The following KLHL36 variants were observed in gnomAD, a reference collection of about 807,000 sequenced individuals.
KLHL36 encodes the protein kelch like family member 36, also known as kelch-like protein 36.
KLHL36 carries 35 observed loss-of-function variants against 53.3 expected under a neutral mutation model. The ratio of observed to expected loss-of-function variants is 0.66; its 90% CI spans 0.50 to 0.87. KLHL36 has a LOEUF of 0.87. Ranked by LOEUF, KLHL36 falls within the 40% of genes least tolerant of loss-of-function variation. The pLI is 0.00. For missense variants in KLHL36, 864 were observed against 897.6 expected (o/e 0.96, Z 0.48); for synonymous variants, 472 against 398.9 (o/e 1.18, Z -2.18).
chr16:84,656,182 A>C (rs1309457891), intron 2 of KLHL36, among the ~76,000 whole-genome samples: 1 of 152,130 alleles, frequency 6.6e-6, no homozygotes, highest in Non-Finnish European at 1.5e-5. Flanking sequence ...GGCATGAGCC[A>C]CCATGCCTGG....
At position 84,650,838 on chromosome 16, in the gene KLHL36, T is replaced by G; in HGVS notation, c.-16-14T>G. Reference sequence around the variant, plus strand: ...GTTATGACTGCATGCTCAGAAATCCTGTTCTTCTCCTAGGGCTGAAATCTC... The same window carrying G: ...GTTATGACTGCATGCTCAGAAATCCGGTTCTTCTCCTAGGGCTGAAATCTC... On this transcript the variant is annotated splice_polypyrimidine_tract_variant and intron_variant, in intron 1 of 4. Coordinates refer to ENST00000564996, the MANE Select transcript of KLHL36 (RefSeq NM_024731.4). The G allele has an allele frequency of 6.3e-7, 1 of 1,597,682 alleles. No homozygotes were observed. The highest frequency in any genetic ancestry group is 8.6e-7 in the Non-Finnish European group (1 of 1,166,948).
intron 1 of KLHL36, chr16:84,649,083 G>A (rs1425371862): frequency 6.6e-6 from 1 of 152,388 alleles, no homozygotes; most frequent in East Asian, 1.9e-4. Context: ...AGGGAGCTTG[G>A]GGAGGAGGCG....
chr16:84,662,147 T>A lies in KLHL36; in HGVS notation c.*14T>A, dbSNP rs1395531219. The A allele has an allele frequency of 2.0e-6, 3 of 1,500,702 alleles. No homozygotes were observed. Among genetic ancestry groups the A allele is most frequent in the Non-Finnish European group, 2.7e-6 (3 of 1,120,116 alleles). The allele number at this position is 1,500,702 out of a possible 1,614,324, so 93.0% of individuals were successfully genotyped here. A position where few individuals can be genotyped will look rare whatever the true frequency, so the allele number is the denominator to read the frequency against. Reference sequence around the variant, plus strand: ...CGGGGCCAGTGACCCTAGCTGCGCCTCTTGGGACCATCCTCACCGTCACCT... The same window carrying A: ...CGGGGCCAGTGACCCTAGCTGCGCCACTTGGGACCATCCTCACCGTCACCT... On this transcript the variant is annotated 3_prime_UTR_variant, in exon 5 of 5. Coordinates refer to ENST00000564996, the MANE Select transcript of KLHL36 (RefSeq NM_024731.4).
rs1355464887 is a variant in KLHL36, at chr16:84,650,842, CT to C, written c.-16-8del. The C allele has an allele frequency of 6.2e-7, 1 of 1,603,088 alleles. No homozygotes were observed. Among genetic ancestry groups the C allele is most frequent in the Non-Finnish European group, 8.5e-7 (1 of 1,171,982 alleles). On this transcript the variant is annotated splice_polypyrimidine_tract_variant and intron_variant, in intron 1 of 4. Transcript: ENST00000564996. ...TGACTGCATGCTCAGAAATCCTGTT[CT>C]TCTCCTAGGGCTGAAATCTCTTTAA...
Position 84,659,853 on chromosome 16 carries a change from C to T in KLHL36, c.1231C>T (p.Leu411Phe). Residue 411 changes from leucine to phenylalanine, a missense_variant, in exon 4 of 5, where the codon CTC becomes TTC. Physicochemically the swap from Leu to Phe is conservative, Grantham distance 22. Transcript: ENST00000564996. ...AIGGRNENGA[L>F]SSVETYSPKT... is the part of the protein sequence containing the mutation. ...CGGCGGCCGGAATGAGAACGGAGCG[C>T]TCTCTTCAGTAGAGACGTACAGTCC... The T allele has an allele frequency of 6.2e-7, 1 of 1,614,150 alleles. No homozygotes were observed. Among genetic ancestry groups the T allele is most frequent in the East Asian group, 2.2e-5 (1 of 44,882 alleles).
chr16:84,650,994 C>G, intron 2 of KLHL36, 64 bp downstream of exon 2: 13 of 1,328,264 alleles, frequency 9.8e-6, no homozygotes, highest in Non-Finnish European at 1.3e-5. Context: ...TTTTCTGATT[C>G]ACTCATTTCT....
rs951676100 is a variant in KLHL36 at position 84,663,059 on chromosome 16, A to G, written c.*926A>G. ...AAAAGTGAGTGCTATGGAATTTGCC[A>G]TCGTTCTCTGTGACTCTATCTTGAG... is the stretch of plus-strand genomic sequence containing the variant. On this transcript the variant is annotated 3_prime_UTR_variant, in exon 5 of 5. Transcript: ENST00000564996. 2 of 151,518 alleles carry G rather than the reference A, an allele frequency of 1.3e-5. No homozygotes were observed. Among genetic ancestry groups the G allele is most frequent in the East Asian group, 1.9e-4 (1 of 5,144 alleles). 9.4% of individuals were successfully genotyped at this position (151,518 alleles called of 1,614,324 possible).
chr16:84,651,346 C>T (rs1267122290), intron 2 of KLHL36, among the ~76,000 whole-genome samples: 1 of 152,152 alleles, frequency 6.6e-6, no homozygotes, highest in Admixed American at 6.6e-5. Flanking sequence ...ACCCGGACCC[C>T]AAGGGCCTGG....
At chr16:84,654,575 CTAGTTTTGTTTTGTT>C (rs1263375241) in intron 2 of KLHL36, among the ~76,000 whole-genome samples, 98 of 143,934 alleles carry the variant, frequency 6.8e-4, no homozygotes, top group African/African-American at 2.0e-3. Context: ...TTGCTTGAGA[CTAGTTTTGTTTTGTT>C]TTGTTTTGTT....
rs1364554956 is a variant in KLHL36, at chr16:84,660,133, C to T, written c.1295+216C>T. On this transcript the variant is annotated intron_variant, in intron 4 of 4. Coordinates refer to ENST00000564996, the MANE Select transcript of KLHL36 (RefSeq NM_024731.4). ...GACTTAGGGCAAGGGTCAGCTCTGC[C>T]GCCATGACGGACATCCCTCCATGGC... is the stretch of plus-strand genomic sequence containing the variant. Among the ~76,000 whole-genome samples, 6 of 152,106 alleles carry T rather than the reference C, an allele frequency of 3.9e-5. No individual in the cohort carries two copies. In the South Asian group the frequency reaches 8.3e-4, roughly 21 times the overall value.
chr16:84,655,721 A>T (rs1189242202), intron 2 of KLHL36, among the ~76,000 whole-genome samples: 2 of 150,572 alleles, frequency 1.3e-5, no homozygotes, highest in African/African-American at 4.9e-5. Context: ...AAAAAAAAAA[A>T]GTCGAACCAC....
At chr16:84,658,319 C>A in intron 3 of KLHL36, 1 of 171,640 alleles carries the variant, frequency 5.8e-6, no homozygotes, top group South Asian at 1.9e-4. Context: ...AACCGATTGA[C>A]GTGTAAGTGT....
In KLHL36 at chr16:84,665,467, A is replaced by G. The variant is rs1175238649; in HGVS notation, c.*3334A>G. ...TGATGAACCCTTGTTACTTATAGCA[A>G]ACTTCCTGCTGTTTTAAATGCACAG... On this transcript the variant is annotated 3_prime_UTR_variant, in exon 5 of 5. Transcript: ENST00000564996. 2 of 152,188 alleles carry G rather than the reference A, an allele frequency of 1.3e-5. No homozygotes were observed. Among genetic ancestry groups the G allele is most frequent in the Non-Finnish European group, 2.9e-5 (2 of 68,032 alleles). 9.4% of individuals were successfully genotyped at this position (152,188 alleles called of 1,614,324 possible).
Position 84,665,952 on chromosome 16 carries a change from C to A in KLHL36, c.*3819C>A, listed in dbSNP as rs1182795672. On this transcript the variant is annotated 3_prime_UTR_variant, in exon 5 of 5. Coordinates refer to ENST00000564996, the MANE Select transcript of KLHL36 (RefSeq NM_024731.4). ...TCATGGGCCTTGTGGCTGTCAGAGC[C>A]CGTGGTTGGAACCCCGTCCACTGGT... 1.3e-5 allele frequency: 2 copies of A among 152,240 alleles called. No individual in the cohort carries two copies. Among genetic ancestry groups the A allele is most frequent in the African/African-American group, 2.4e-5 (1 of 41,418 alleles). The allele number at this position is 152,240 out of a possible 1,614,324, so 9.4% of individuals were successfully genotyped here.
At position 84,667,464 on chromosome 16, in the gene KLHL36, A is replaced by G. The variant is rs1437341878; in HGVS notation, c.*5331A>G. ...AAGTTTCTGTGTCTTAACTCTTTTT[A>G]ATTAATTTTCTGCACGTTGCTTTTT... On this transcript the variant is annotated 3_prime_UTR_variant, in exon 5 of 5. Transcript: ENST00000564996. The G allele has an allele frequency of 6.6e-6, 1 of 152,156 alleles. No individual in the cohort carries two copies. Among genetic ancestry groups the G allele is most frequent in the Non-Finnish European group, 1.5e-5 (1 of 68,024 alleles). The allele number at this position is 152,156 out of a possible 1,614,324, so 9.4% of individuals were successfully genotyped here. A position where few individuals can be genotyped will look rare whatever the true frequency, so the allele number is the denominator to read the frequency against.
In KLHL36 at chr16:84,661,198, C is replaced by G. The variant is rs867778162; in HGVS notation, c.1296-380C>G. Among the ~76,000 whole-genome samples, 1 of 152,170 alleles carries G rather than the reference C, an allele frequency of 6.6e-6. No individual in the cohort carries two copies. The highest frequency in any genetic ancestry group is 2.4e-5 in the African/African-American group (1 of 41,426). ...GCACAGTTAGAATTGGACTGTATGT[C>G]GTATTTCCTCTTTGATGTGTGATTC... On this transcript the variant is annotated intron_variant, in intron 4 of 4. Coordinates refer to ENST00000564996, the MANE Select transcript of KLHL36 (RefSeq NM_024731.4). This position sits in a 1 kb window ranked among gnomAD's most constrained non-coding sequence, Gnocchi z 7.9.
At chr16:84,658,310 A>T (rs1907345071) in intron 3 of KLHL36, 2 of 177,854 alleles carry the variant, frequency 1.1e-5, no homozygotes, top group African/African-American at 4.7e-5. Context: ...TTTCACTTTA[A>T]CCGATTGACG....
In KLHL36 at chr16:84,654,175, G is replaced by A. The variant is rs1907068830; in HGVS notation, c.64-2696G>A. On this transcript the variant is annotated intron_variant, in intron 2 of 4. Coordinates refer to ENST00000564996, the MANE Select transcript of KLHL36 (RefSeq NM_024731.4). ...CAGCACCCTCACCAGCGTGGAGACA[G>A]CCAGGGTCCCCGGGTGGCAGATAGC... Among the ~76,000 whole-genome samples the A allele has an allele frequency of 2.0e-5, 3 of 152,258 alleles. No homozygotes were observed. In the South Asian group the frequency reaches 6.2e-4, roughly 31 times the overall value.
In KLHL36 at chr16:84,656,989, G is replaced by A; in HGVS notation, c.182G>A (p.Arg61His). 2 of 1,614,034 alleles carry A rather than the reference G, an allele frequency of 1.2e-6. No homozygotes were observed. Among genetic ancestry groups the A allele is most frequent in the Admixed American group, 1.7e-5 (1 of 60,028 alleles). ...VADEQRVPAHRNLLAVCSDYF... is the reference protein window; with the variant it reads ...VADEQRVPAHHNLLAVCSDYF... ...GATGAGCAGCGTGTGCCAGCCCATC[G>A]CAACCTGCTGGCCGTGTGCAGCGAC... The change falls in exon 3 of 5, where the codon CGC becomes CAC. Residue 61 changes from arginine to histidine, a missense_variant. By Grantham distance (29) the Arg-to-His change is conservative (BLOSUM62 0). Coordinates refer to ENST00000564996, the MANE Select transcript of KLHL36 (RefSeq NM_024731.4).
Sources: allele counts gnomAD v4.1 joint callset (sites outside exome capture counted in the v4.1 genomes callset), GRCh38; gene constraint gnomAD v4.1.1; non-coding constraint Gnocchi (gnomAD v3.1); transcripts MANE v1.5; gene names NCBI Gene and HGNC (gene_info 2026-07-23, HGNC 2026-07-21).